Variants in IRAK2 observed in about 807,000 individuals in gnomAD.
The protein encoded by IRAK2 is interleukin 1 receptor associated kinase 2, also known as interleukin-1 receptor-associated kinase-like 2.
Under a neutral mutation model 72.0 loss-of-function variants are expected in IRAK2, and 57 were observed. The observed-to-expected ratio is 0.79, with a 90% CI of 0.64 to 0.99. The LOEUF is 0.99. IRAK2 is among the 50% of genes least tolerant of loss of function. The probability of loss-of-function intolerance (pLI) is 0.00; values close to 1 mark genes in which losing one functional copy is unlikely to be tolerated. For missense variants in IRAK2, 790 were observed against 794.4 expected, an observed-to-expected ratio of 0.99 and a Z score of 0.07; for synonymous variants, 293 against 312.7, an observed-to-expected ratio of 0.94 and a Z score of 0.67.
chr3:10,232,957 G>A (rs1697881395), intron 10 of IRAK2, among the ~76,000 whole-genome samples: 1 of 152,142 alleles, frequency 6.6e-6, no homozygotes, highest in African/African-American at 2.4e-5. Context: ...CCAGCTACTT[G>A]GGAGGCTGAG....
At chr3:10,169,336 A>G (rs1696754664) in intron 1 of IRAK2, among the ~76,000 whole-genome samples, 1 of 152,306 alleles carries the variant, frequency 6.6e-6, no homozygotes, top group Non-Finnish European at 1.5e-5. Context: ...GAATTTCCCA[A>G]TCCTAGTAAG....
intron 2 of IRAK2, among the ~76,000 whole-genome samples, chr3:10,186,783 C>CTTTTTTTT: frequency 8.0e-6 from 1 of 124,712 alleles, no homozygotes; most frequent in African/African-American, 3.3e-5. Flanking sequence ...TCTTTCTTTC[C>CTTTTTTTT]TTTTTTTTTT....
intron 8 of IRAK2, 148 bp downstream of exon 8, chr3:10,219,937 T>G: frequency 1.6e-6 from 1 of 634,758 alleles, no homozygotes; most frequent in South Asian, 1.9e-5. Flanking sequence ...CCCCTGGATG[T>G]CTTTTTCTCT....
intron 8 of IRAK2, among the ~76,000 whole-genome samples, chr3:10,220,546 G>A (rs1448516767): frequency 2.6e-5 from 4 of 152,002 alleles, no homozygotes; most frequent in Admixed American, 1.3e-4. Flanking sequence ...TGGTTCAAGC[G>A]ATTCTCCTGC....
At position 10,243,543 on chromosome 3, in the gene IRAK2, C is replaced by T. The variant is rs1193874536; in HGVS notation, c.*1315C>T. The T allele has an allele frequency of 6.6e-6, 1 of 152,544 alleles. No homozygotes were observed. The highest frequency in any genetic ancestry group is 1.5e-5 in the Non-Finnish European group (1 of 68,034). 9.4% of individuals were successfully genotyped at this position (152,544 alleles called of 1,614,324 possible). A position where few individuals can be genotyped will look rare whatever the true frequency, so the allele number is the denominator to read the frequency against. ...AGAAGCACTTGGAAAATGCACTTGT[C>T]CTGTTTTGTAAAATAAAAAGGTATT... On this transcript the variant is annotated 3_prime_UTR_variant, in exon 13 of 13. Transcript: ENST00000256458.
chr3:10,177,846 G>A lies in IRAK2; in HGVS notation c.103G>A (p.Val35Met), dbSNP rs140997134. The change falls in exon 2 of 13, where the codon GTG (valine) becomes ATG (methionine). Residue 35 changes from valine (V) to methionine (M), a missense_variant. Transcript: ENST00000256458. ...EWDWMEFASY[V>M]ITDLTQLRKI... Reference sequence around the variant, plus strand: ...CTCTCCGTCCCTTCCAGCCTCCTACGTGATCACAGACCTGACCCAGCTGCG... The same window carrying A: ...CTCTCCGTCCCTTCCAGCCTCCTACATGATCACAGACCTGACCCAGCTGCG... The A allele has an allele frequency of 1.3e-4, 207 of 1,612,714 alleles. 1 individual carries two copies. The East Asian group carries it at 3.9e-3, about 31-fold the overall frequency.
chr3:10,240,558 C>CCCCCCTTT (rs1274154130), intron 12 of IRAK2, among the ~76,000 whole-genome samples: 4 of 18,066 alleles, frequency 2.2e-4, no homozygotes, highest in African/African-American at 3.4e-4. Context: ...CCCCCCCCGC[C>CCCCCCTTT]TTTTTTTTTT....
At chr3:10,239,101 A>G in intron 12 of IRAK2, 62 bp downstream of exon 12, 1 of 1,427,500 alleles carries the variant, frequency 7.0e-7, no homozygotes, top group Non-Finnish European at 9.4e-7. Context: ...TCAGCCCATC[A>G]TTTTTTCTTT....
intron 2 of IRAK2, among the ~76,000 whole-genome samples, chr3:10,196,115 CTGT>C (rs969544659): frequency 9.9e-5 from 15 of 152,242 alleles, no homozygotes; most frequent in East Asian, 3.9e-4. Context: ...GACTGGTTTT[CTGT>C]TGTTGTTGTT....
chr3:10,176,778 A>C lies in IRAK2; in HGVS notation c.95-1060A>C, dbSNP rs144258806. 3.0e-3 allele frequency among the ~76,000 whole-genome samples: 445 copies of C among 149,682 alleles called. 2 individuals carry two copies. The highest frequency in any genetic ancestry group is 0.01 in the African/African-American group (425 of 40,564). ...AGGCGTAAGCCACTGCGCCTGGCCT[A>C]CTTCGTTTATTTTTTGTAGAGACAG... is the stretch of plus-strand genomic sequence containing the variant. On this transcript the variant is annotated intron_variant, in intron 1 of 12. Coordinates refer to ENST00000256458, the MANE Select transcript of IRAK2 (RefSeq NM_001570.4).
intron 6 of IRAK2, among the ~76,000 whole-genome samples, chr3:10,215,914 C>T (rs1697598857): frequency 6.6e-6 from 1 of 152,188 alleles, no homozygotes; most frequent in Admixed American, 6.6e-5. Flanking sequence ...CTTTTCTAGG[C>T]TCTAGGGAGT....
rs1216276917 is a variant in IRAK2, at chr3:10,243,430, T to G, written c.*1202T>G. On this transcript the variant is annotated 3_prime_UTR_variant, in exon 13 of 13. Coordinates refer to ENST00000256458, the MANE Select transcript of IRAK2 (RefSeq NM_001570.4). Reference sequence around the variant, plus strand: ...CTAATTAAGTCAATCATTTAATTTTTGGGACCTCAGTTTCTTTGTAAGTAA... The same window carrying G: ...CTAATTAAGTCAATCATTTAATTTTGGGGACCTCAGTTTCTTTGTAAGTAA... The G allele has an allele frequency of 6.5e-6, 1 of 152,678 alleles. No homozygotes were observed. The highest frequency in any genetic ancestry group is 2.4e-5 in the African/African-American group (1 of 41,468). The allele number at this position is 152,678 out of a possible 1,614,324, so 9.5% of individuals were successfully genotyped here. A position where few individuals can be genotyped will look rare whatever the true frequency, so the allele number is the denominator to read the frequency against.
chr3:10,165,633 T>C (rs558636504), intron 1 of IRAK2, among the ~76,000 whole-genome samples: 20 of 151,160 alleles, frequency 1.3e-4, no homozygotes, highest in South Asian at 4.2e-4. Context: ...GTAGCTGGGA[T>C]TACAGGCGCC....
At chr3:10,175,794 G>A (rs905270658) in intron 1 of IRAK2, among the ~76,000 whole-genome samples, 15 of 150,388 alleles carry the variant, frequency 1.0e-4, no homozygotes, top group African/African-American at 3.7e-4. Context: ...GGAGGCTGAG[G>A]CCGGAGAATG....
Position 10,234,631 on chromosome 3 carries a change from T to C in IRAK2, c.1445T>C (p.Leu482Pro). Residue 482 changes from leucine (L) to proline (P), a missense_variant, in exon 11 of 13, where the codon CTG becomes CCG. Coordinates refer to ENST00000256458, the MANE Select transcript of IRAK2 (RefSeq NM_001570.4). ...CTGGCCACGGCTGCCTGCCTGTGCC[T>C]GCGGAGGCGTAACACCAGCCTGCAG... ...EALATAACLCLRRRNTSLQEV... is the reference protein window; with the variant it reads ...EALATAACLCPRRRNTSLQEV... The C allele has an allele frequency of 6.2e-7, 1 of 1,613,184 alleles. No individual in the cohort carries two copies.
At chr3:10,210,173 C>T (rs925096644) in intron 4 of IRAK2, among the ~76,000 whole-genome samples, 3 of 152,168 alleles carry the variant, frequency 2.0e-5, no homozygotes, top group African/African-American at 4.8e-5. Context: ...CACCTGCCTC[C>T]GCCTCCCAAA....
At chr3:10,228,249 A>C (rs531547937) in intron 10 of IRAK2, among the ~76,000 whole-genome samples, 1 of 151,956 alleles carries the variant, frequency 6.6e-6, no homozygotes, top group Non-Finnish European at 1.5e-5. Flanking sequence ...TTATTTATTT[A>C]TTTCTGGTGA....
chr3:10,175,158 C>T (rs1337209303), intron 1 of IRAK2, among the ~76,000 whole-genome samples: 1 of 151,998 alleles, frequency 6.6e-6, no homozygotes, highest in Non-Finnish European at 1.5e-5. Flanking sequence ...GACTCAGTCT[C>T]TGTCGCTCAG....
intron 11 of IRAK2, among the ~76,000 whole-genome samples, chr3:10,238,273 G>A (rs1697997505): frequency 6.6e-6 from 1 of 152,148 alleles, no homozygotes; most frequent in Non-Finnish European, 1.5e-5. Flanking sequence ...TACAGCCATT[G>A]TGTCTCTCTG....
Sources: allele counts gnomAD v4.1 joint callset (sites outside exome capture counted in the v4.1 genomes callset), GRCh38; gene constraint gnomAD v4.1.1; transcripts MANE v1.5; gene names NCBI Gene and HGNC (gene_info 2026-07-23, HGNC 2026-07-21).